CASP6: variants seen among roughly 807,000 people sequenced by gnomAD.
CASP6 encodes caspase 6.
Under a neutral mutation model 31.8 loss-of-function variants are expected in CASP6, and 20 were observed. The ratio of observed to expected loss-of-function variants is 0.63; its 90% CI spans 0.44 to 0.91. The LOEUF (loss-of-function observed/expected upper bound fraction) is 0.91. Among genes scored for constraint, CASP6 ranks in the 40% least tolerant of loss-of-function variants. The pLI is 0.00. For missense variants in CASP6, 328 were observed against 361.1 expected, an observed-to-expected ratio of 0.91 and a Z score of 0.74; for synonymous variants, 130 against 127.8, an observed-to-expected ratio of 1.02 and a Z score of -0.12.
chr4:109,697,666 T>C lies in CASP6; in HGVS notation c.186A>G (p.Pro62=), dbSNP rs1379500816. The change falls in exon 3 of 7, where the codon CCA becomes CCG. Residue 62 remains proline (P), a synonymous_variant. Transcript: ENST00000265164. ...HERFFWHLTL[P]ERRGTCADRD... is the part of the protein sequence containing the mutation. ...TATCTGCGCAGGTGCCCCGCCTTTC[T>C]GGCAGTGTTAAGTGCCAAAAGAACC... The C allele has an allele frequency of 6.2e-7, 1 of 1,613,972 alleles. No individual in the cohort carries two copies. Among genetic ancestry groups the C allele is most frequent in the African/African-American group, 1.3e-5 (1 of 75,062 alleles).
At chr4:109,699,906 TAAAG>T (rs1237487575) in intron 1 of CASP6, among the ~76,000 whole-genome samples, 10 of 152,306 alleles carry the variant, frequency 6.6e-5, no homozygotes, top group East Asian at 5.8e-4. Context: ...AATTAGAGTA[TAAAG>T]AAACAATAAC....
upstream of CASP6, among the ~76,000 whole-genome samples, chr4:109,706,380 G>A (rs114813937): frequency 0.019 from 2,860 of 151,708 alleles, 44 homozygotes; most frequent in Non-Finnish European, 0.029. Context: ...CTGCATTGTT[G>A]CCATCTCATG....
the CASP6 span, chr4:109,674,116 A>G: frequency 1.4e-6 from 2 of 1,425,968 alleles, no homozygotes; most frequent in Non-Finnish European, 2.0e-6. Context: ...GGCAAAACCT[A>G]AGCCTTAGAA....
At chr4:109,665,525 C>T in the CASP6 span, among the ~76,000 whole-genome samples, 1 of 152,010 alleles carries the variant, frequency 6.6e-6, no homozygotes, top group African/African-American at 2.4e-5. Context: ...TGCTCAAGGC[C>T]CTGATACAAA....
At chr4:109,687,441 A>G (rs1729872807), downstream of CASP6, 1 of 1,016,418 alleles carries the variant, frequency 9.8e-7, no homozygotes, top group East Asian at 2.4e-5. Flanking sequence ...AAGTTTATAG[A>G]ATTCCTCTCA....
At chr4:109,693,584 G>A (rs981844610) in intron 5 of CASP6, among the ~76,000 whole-genome samples, 1 of 151,718 alleles carries the variant, frequency 6.6e-6, no homozygotes, top group African/African-American at 2.4e-5. Flanking sequence ...CTACTCGGGA[G>A]GCTGAAGTGG....
upstream of CASP6, among the ~76,000 whole-genome samples, chr4:109,704,993 C>G (rs1579117129): frequency 6.6e-6 from 1 of 152,178 alleles, no homozygotes; most frequent in East Asian, 1.9e-4. Flanking sequence ...GTGTGAGCCA[C>G]CGTGCCCAGC....
downstream of CASP6, chr4:109,684,352 G>A (rs1729787342): frequency 2.9e-6 from 3 of 1,032,546 alleles, no homozygotes; most frequent in South Asian, 1.7e-5. Flanking sequence ...GTGAGCCACC[G>A]CGCCCGGCAA....
the CASP6 span, among the ~76,000 whole-genome samples, chr4:109,665,830 T>C: frequency 1.3e-5 from 2 of 151,572 alleles, no homozygotes; most frequent in African/African-American, 4.9e-5. Flanking sequence ...TGGGGGCGCA[T>C]GGTAGTAGGG....
chr4:109,709,392 C>A, the CASP6 span, among the ~76,000 whole-genome samples: 1 of 152,154 alleles, frequency 6.6e-6, no homozygotes, highest in Non-Finnish European at 1.5e-5. Flanking sequence ...AAAATATTCC[C>A]ACAGCAAATC....
the CASP6 span, among the ~76,000 whole-genome samples, chr4:109,708,595 C>T: frequency 3.3e-5 from 5 of 152,344 alleles, no homozygotes; most frequent in South Asian, 1.0e-3. Flanking sequence ...CTTTCAGGGT[C>T]TCTGAGTCCT....
At chr4:109,673,027 T>G in the CASP6 span, among the ~76,000 whole-genome samples, 1 of 152,178 alleles carries the variant, frequency 6.6e-6, no homozygotes, top group Non-Finnish European at 1.5e-5. Flanking sequence ...AAAAAGAAAT[T>G]AAAATGAATC....
At chr4:109,700,689 T>TA (rs1167509410) in intron 1 of CASP6, among the ~76,000 whole-genome samples, 1 of 152,158 alleles carries the variant, frequency 6.6e-6, no homozygotes, top group African/African-American at 2.4e-5. Context: ...AGCTGTAACT[T>TA]ACCTTCACTC....
the CASP6 span, among the ~76,000 whole-genome samples, chr4:109,708,976 T>C: frequency 2.6e-5 from 4 of 152,228 alleles, no homozygotes; most frequent in African/African-American, 9.6e-5. Flanking sequence ...TTTTATTTGC[T>C]GTTAGATATG....
the CASP6 span, chr4:109,673,824 G>A: frequency 2.8e-6 from 2 of 722,568 alleles, no homozygotes; most frequent in Non-Finnish European, 5.1e-6. Context: ...GCTCTAGGGA[G>A]ATTCTTCAAG....
chr4:109,675,478 G>A, the CASP6 span, among the ~76,000 whole-genome samples: 1 of 152,170 alleles, frequency 6.6e-6, no homozygotes, highest in African/African-American at 2.4e-5. Flanking sequence ...CACATCATTT[G>A]GATGACAACT....
chr4:109,674,031 G>C, the CASP6 span: 18 of 1,297,722 alleles, frequency 1.4e-5, no homozygotes, highest in Non-Finnish European at 1.5e-5. Context: ...TGATCCACAT[G>C]CGTGTGGTAG....
At chr4:109,665,799 T>C in the CASP6 span, among the ~76,000 whole-genome samples, 1 of 152,142 alleles carries the variant, frequency 6.6e-6, no homozygotes, top group African/African-American at 2.4e-5. Flanking sequence ...GATTCGCTTC[T>C]TTCTTTCTTT....
chr4:109,672,406 A>G, the CASP6 span, among the ~76,000 whole-genome samples: 3 of 152,180 alleles, frequency 2.0e-5, no homozygotes, highest in Admixed American at 6.5e-5. Context: ...TTTTCCTTCA[A>G]TGCTAGTTTA....
Sources: gnomAD v4.1 joint callset for allele counts (sites outside exome capture counted in the v4.1 genomes callset) on GRCh38, gnomAD v4.1.1 for gene constraint, MANE v1.5 for transcripts, NCBI Gene and HGNC (gene_info 2026-07-23, HGNC 2026-07-21) for gene names.